SEC24D: variants seen among roughly 807,000 people sequenced by gnomAD.
SEC24D encodes protein transport protein Sec24D.
Under a neutral mutation model 116.9 loss-of-function variants are expected in SEC24D, and 69 were observed. The ratio of observed to expected loss-of-function variants is 0.59; its 90% CI spans 0.49 to 0.72. The LOEUF (loss-of-function observed/expected upper bound fraction) is 0.72, where lower values mean the gene tolerates loss of function less well. Ranked by LOEUF, SEC24D falls within the 30% of genes least tolerant of loss-of-function variation. The pLI is 0.00. For missense variants in SEC24D, 1,131 were observed against 1,264.1 expected (o/e 0.89, Z 1.60); for synonymous variants, 405 against 442.8 (o/e 0.91, Z 1.07).
In SEC24D at chr4:118,785,095, T is replaced by A. The variant is rs556206652; in HGVS notation, c.1041+12588A>T. 8.1e-4 allele frequency among the ~76,000 whole-genome samples: 123 copies of A among 152,234 alleles called. 1 individual carries two copies. Among genetic ancestry groups the A allele is most frequent in the African/African-American group, 2.8e-3 (117 of 41,554 alleles). ...AAAGAGATGACTCCTAAATACAAGA[T>A]CCTCGCCTTAGTTTGGCATTTAAAT... On this transcript the variant is annotated intron_variant, in intron 8 of 22. Coordinates refer to ENST00000280551, the MANE Select transcript of SEC24D (RefSeq NM_014822.4).
In SEC24D at chr4:118,740,716, C is replaced by T. The variant is rs545255356; in HGVS notation, c.2185G>A (p.Val729Met). The T allele has an allele frequency of 4.6e-5, 74 of 1,613,918 alleles. 1 individual carries two copies. In the East Asian group the frequency reaches 6.9e-4, roughly 15 times the overall value. Residue 729 changes from valine (V) to methionine (M), a missense_variant, in exon 17 of 23, where the codon GTG (valine) becomes ATG (methionine). Val to Met is a conservative substitution (Grantham distance 21). Transcript: ENST00000280551. ...AGTTTGTCATCGTGCTTGAACTCCA[C>T]GGTCACTGCCTTGTCACAATCGATG... ...AAIDCDKAVT[V>M]EFKHDDKLSE...
intron 6 of SEC24D, among the ~76,000 whole-genome samples, chr4:118,808,047 A>T (rs1729749633): frequency 6.6e-6 from 1 of 151,856 alleles, no homozygotes; most frequent in African/African-American, 2.4e-5. Context: ...CTGCAGCCTC[A>T]ATCTCCTGGG....
chr4:118,730,486 A>G (rs1163001156), intron 21 of SEC24D: 2 of 152,216 alleles, frequency 1.3e-5, no homozygotes, highest in East Asian at 1.9e-4. Flanking sequence ...ACTTCATACA[A>G]TTGGGTTCAA....
intron 3 of SEC24D, among the ~76,000 whole-genome samples, chr4:118,819,585 C>G (rs1578473300): frequency 7.2e-6 from 1 of 138,114 alleles, no homozygotes; most frequent in East Asian, 2.2e-4. Flanking sequence ...GAAGTAATTA[C>G]ACACAGGCAG....
chr4:118,835,125 G>T (rs116514715), intron 1 of SEC24D, among the ~76,000 whole-genome samples: 6,652 of 152,214 alleles, frequency 0.044, 199 homozygotes, highest in Non-Finnish European at 0.064. Context: ...CAGCCTGAGC[G>T]CTGGTCAAGC....
chr4:118,785,643 A>G (rs1728635204), intron 8 of SEC24D, among the ~76,000 whole-genome samples: 1 of 152,228 alleles, frequency 6.6e-6, no homozygotes, highest in Non-Finnish European at 1.5e-5. Context: ...GGTGATGCTT[A>G]TAATTTGAAT....
At chr4:118,731,532 TAGAA>T in intron 20 of SEC24D, 25 bp from the exon 21 acceptor site, 1 of 1,601,274 alleles carries the variant, frequency 6.2e-7, no homozygotes, top group Non-Finnish European at 8.6e-7. Context: ...ACAAAAGAGT[TAGAA>T]ACTCCTTTCT....
chr4:118,766,268 C>T (rs530962072), intron 9 of SEC24D, among the ~76,000 whole-genome samples: 38 of 152,324 alleles, frequency 2.5e-4, no homozygotes, highest in African/African-American at 8.9e-4. Flanking sequence ...TGGCCCCTGT[C>T]TTCCTGCATG....
intron 6 of SEC24D, among the ~76,000 whole-genome samples, chr4:118,814,393 G>C (rs116062544): frequency 0.044 from 6,650 of 152,286 alleles, 198 homozygotes; most frequent in Non-Finnish European, 0.064. Context: ...GGATGAAGCA[G>C]AGCCTAAATC....
Position 118,833,386 on chromosome 4 carries a change from G to A in SEC24D, c.118+193C>T, listed in dbSNP as rs1730957992. On this transcript the variant is annotated intron_variant, in intron 2 of 22. Coordinates refer to ENST00000280551, the MANE Select transcript of SEC24D (RefSeq NM_014822.4). Reference sequence around the variant, plus strand: ...TAGTCTATATTTAAAAACCAAACTTGTATTGCATGCAATAACCAAACTAGT... The same window carrying A: ...TAGTCTATATTTAAAAACCAAACTTATATTGCATGCAATAACCAAACTAGT... 6.6e-6 allele frequency: 3 copies of A among 451,480 alleles called. No homozygotes were observed. In the South Asian group the frequency reaches 1.4e-4, roughly 22 times the overall value. The allele number at this position is 451,480 out of a possible 1,614,324, so 28.0% of individuals were successfully genotyped here.
At chr4:118,820,382 T>C (rs1354508118) in intron 3 of SEC24D, among the ~76,000 whole-genome samples, 2 of 152,180 alleles carry the variant, frequency 1.3e-5, no homozygotes, top group Admixed American at 1.3e-4. Flanking sequence ...GGTTTCACCA[T>C]GTTGACCAAG....
At chr4:118,743,670 T>C (rs1455072108) in intron 15 of SEC24D, among the ~76,000 whole-genome samples, 1 of 152,204 alleles carries the variant, frequency 6.6e-6, no homozygotes, top group Non-Finnish European at 1.5e-5. Context: ...CTGCCTATGT[T>C]ACTTGTAATA....
intron 8 of SEC24D, among the ~76,000 whole-genome samples, chr4:118,793,735 T>A (rs538056448): frequency 2.0e-5 from 3 of 152,312 alleles, no homozygotes; most frequent in East Asian, 3.9e-4. Flanking sequence ...AGTATTCCTT[T>A]AAATAGAGAG....
rs116299349 is a variant in SEC24D, at chr4:118,742,394, T to A, written c.1996-1357A>T. Among the ~76,000 whole-genome samples the A allele has an allele frequency of 3.1e-3, 475 of 152,086 alleles. 3 individuals carry two copies. Among genetic ancestry groups the A allele is most frequent in the Middle Eastern group, 6.8e-3 (2 of 294 alleles). ...AAAGTGGGGGGGGGAAAGCTTCTGA[T>A]GAAATTTATCCCCCTAACTGGAAAA... On this transcript the variant is annotated intron_variant, in intron 15 of 22. Transcript: ENST00000280551.
intron 8 of SEC24D, among the ~76,000 whole-genome samples, chr4:118,793,462 G>A (rs1256140325): frequency 2.1e-4 from 20 of 95,230 alleles, no homozygotes; most frequent in African/African-American, 7.3e-4. Context: ...GCGAGACTCC[G>A]TCTCAAAAAA....
intron 11 of SEC24D, among the ~76,000 whole-genome samples, chr4:118,753,726 T>G (rs1358179429): frequency 6.6e-6 from 1 of 152,106 alleles, no homozygotes; most frequent in Non-Finnish European, 1.5e-5. Context: ...CAGTCTATTT[T>G]TGTCTCCCCT....
chr4:118,758,236 A>G (rs1048151640), intron 10 of SEC24D, among the ~76,000 whole-genome samples: 1 of 152,226 alleles, frequency 6.6e-6, no homozygotes, highest in African/African-American at 2.4e-5. Flanking sequence ...TTATGCTAAA[A>G]AAGAATACAT....
chr4:118,815,739 G>A lies in SEC24D; in HGVS notation c.398-13C>T. 1 of 1,612,558 alleles carries A rather than the reference G, an allele frequency of 6.2e-7. No individual in the cohort carries two copies. The highest frequency in any genetic ancestry group is 1.1e-5 in the South Asian group (1 of 91,058). On this transcript the variant is annotated splice_polypyrimidine_tract_variant and intron_variant, in intron 4 of 22. Coordinates refer to ENST00000280551, the MANE Select transcript of SEC24D (RefSeq NM_014822.4). ...GCCATGCCTGAACCTGTGTGAGAAA[G>A]GAGACCAGCCCACTTAAATACCACA...
chr4:118,771,491 G>A (rs764315296), intron 8 of SEC24D, among the ~76,000 whole-genome samples: 2 of 152,006 alleles, frequency 1.3e-5, no homozygotes, highest in African/African-American at 2.4e-5. Flanking sequence ...TTGTATTTTT[G>A]GATTAACGGG....
Sources: gnomAD v4.1 joint callset for allele counts (sites outside exome capture counted in the v4.1 genomes callset) on GRCh38, gnomAD v4.1.1 for gene constraint, MANE v1.5 for transcripts, NCBI Gene and HGNC (gene_info 2026-07-23, HGNC 2026-07-21) for gene names.